The following SLC15A4 variants were observed in gnomAD, a reference collection of about 807,000 sequenced individuals.
The protein encoded by SLC15A4 is hPHT1.
A neutral mutation model predicts 46.1 loss-of-function variants in SLC15A4; 26 were observed. That is an observed-to-expected ratio of 0.56 (90% CI 0.41 to 0.78). The LOEUF (loss-of-function observed/expected upper bound fraction) is 0.78, where lower values mean the gene tolerates loss of function less well. Among genes scored for constraint, SLC15A4 ranks in the 30% least tolerant of loss-of-function variants. The pLI is 0.00. For synonymous variants in SLC15A4, 370 were observed against 333.4 expected (o/e 1.11, Z -1.20); for missense variants, 751 against 755.7 (o/e 0.99, Z 0.07).
intron 7 of SLC15A4, among the ~76,000 whole-genome samples, chr12:128,796,341 T>C (rs1955441713): frequency 6.9e-6 from 1 of 145,638 alleles, no homozygotes; most frequent in African/African-American, 2.6e-5. Context: ...CAGAGAATTG[T>C]CACTTGAACC....
At chr12:128,806,224 C>T (rs1955588117) in intron 5 of SLC15A4, among the ~76,000 whole-genome samples, 2 of 149,174 alleles carry the variant, frequency 1.3e-5, no homozygotes, top group Admixed American at 6.6e-5. Context: ...AAACTGTACA[C>T]AGAATATAAC....
intron 7 of SLC15A4, 101 bp from the exon 8 acceptor site, chr12:128,794,457 G>T: frequency 8.5e-7 from 1 of 1,171,816 alleles, no homozygotes; most frequent in Non-Finnish European, 1.2e-6. Flanking sequence ...TTTAACTGGA[G>T]TCATAAAAAA....
chr12:128,814,230 C>CCGCCGTATGATGGACCTGAG (rs1955709141), intron 2 of SLC15A4: 4 of 157,544 alleles, frequency 2.5e-5, no homozygotes, highest in East Asian at 2.0e-4. Flanking sequence ...ATGGACCTGA[C>CCGCCGTATGATGGACCTGAG]CGCCGTATGA....
intron 5 of SLC15A4, among the ~76,000 whole-genome samples, chr12:128,807,061 G>A (rs1340342743): frequency 1.3e-5 from 2 of 151,844 alleles, no homozygotes; most frequent in Non-Finnish European, 2.9e-5. Flanking sequence ...CGCCACCATG[G>A]CCAGCTAATT....
intron 5 of SLC15A4, among the ~76,000 whole-genome samples, chr12:128,806,585 T>C (rs1322075738): frequency 1.3e-5 from 2 of 152,208 alleles, no homozygotes; most frequent in African/African-American, 4.8e-5. Flanking sequence ...TGGGCAGGTG[T>C]TTTATTAAAT....
intron 1 of SLC15A4, among the ~76,000 whole-genome samples, chr12:128,822,323 T>G (rs1955855729): frequency 6.6e-6 from 1 of 152,154 alleles, no homozygotes; most frequent in Non-Finnish European, 1.5e-5. Context: ...AGCCCGTAAC[T>G]CCTTTAAAGC....
chr12:128,815,114 C>T, intron 1 of SLC15A4, 44 bp from the exon 2 acceptor site: 2 of 1,565,632 alleles, frequency 1.3e-6, no homozygotes, highest in South Asian at 1.1e-5. Context: ...ATATGACAGT[C>T]TTCAAGGATG....
rs1248714606 is a variant in SLC15A4, at chr12:128,808,901, G to GGGATGAGCAGGA, written c.1133_1144dup (p.Leu378_Ile381dup). On this transcript the variant is annotated inframe_insertion, in exon 5 of 8. Coordinates refer to ENST00000266771, the MANE Select transcript of SLC15A4 (RefSeq NM_145648.4). ...GGGATCGACCAGTTTGTCCTTCAGA[G>GGGATGAGCAGGA]GGATGAGCAGGAGGATGAGCACAGC... 1 of 1,614,214 alleles carries GGGATGAGCAGGA rather than the reference G, an allele frequency of 6.2e-7. No individual in the cohort carries two copies. The highest frequency in any genetic ancestry group is 1.3e-5 in the African/African-American group (1 of 75,062).
At chr12:128,801,734 T>C (rs900458964) in intron 5 of SLC15A4, 1 of 152,168 alleles carries the variant, frequency 6.6e-6, no homozygotes, top group Admixed American at 6.6e-5. Context: ...CAGGTCCAAG[T>C]CCTTAGGTTA....
chr12:128,809,812 T>A, intron 3 of SLC15A4, 131 bp downstream of exon 3: 1 of 911,860 alleles, frequency 1.1e-6, no homozygotes, highest in Non-Finnish European at 1.6e-6. Flanking sequence ...AAACCAAAAA[T>A]TCCAAGATTC....
intron 5 of SLC15A4, among the ~76,000 whole-genome samples, chr12:128,805,120 C>T (rs1229111451): frequency 6.6e-5 from 10 of 152,014 alleles, no homozygotes; most frequent in Non-Finnish European, 7.4e-5. Flanking sequence ...CAAAGGCAGC[C>T]GGGGGGAGAT....
intron 2 of SLC15A4, among the ~76,000 whole-genome samples, chr12:128,811,105 G>A (rs780462430): frequency 6.6e-6 from 1 of 152,142 alleles, no homozygotes; most frequent in Non-Finnish European, 1.5e-5. Flanking sequence ...AGACAGCTCC[G>A]CACTCTCTCC....
In SLC15A4 at chr12:128,799,417, C is replaced by A. The variant is rs2135705588; in HGVS notation, c.1415G>T (p.Gly472Val). ...GISEIFASIA[G>V]LEFAYSAAPK... ...GGCAGCTGAGTATGCAAATTCCAGG[C>A]CTGAGGAAAGAAAAGGGAGGGTCGT... Residue 472 changes from glycine (G) to valine (V), a missense_variant and splice_region_variant, in exon 7 of 8, where the codon GGC becomes GTC. By Grantham distance (109) the Gly-to-Val change is moderately radical (BLOSUM62 -3). Coordinates refer to ENST00000266771, the MANE Select transcript of SLC15A4 (RefSeq NM_145648.4). The A allele has an allele frequency of 6.2e-7, 1 of 1,613,876 alleles. No individual in the cohort carries two copies. The highest frequency in any genetic ancestry group is 2.2e-5 in the East Asian group (1 of 44,872).
chr12:128,801,935 T>C (rs1955522796), intron 5 of SLC15A4, among the ~76,000 whole-genome samples: 1 of 152,214 alleles, frequency 6.6e-6, no homozygotes, highest in Non-Finnish European at 1.5e-5. Flanking sequence ...AGGACCAGGA[T>C]ATGATCCATA....
chr12:128,806,178 A>AAAAAAG (rs10656237), intron 5 of SLC15A4, among the ~76,000 whole-genome samples: 2 of 151,032 alleles, frequency 1.3e-5, no homozygotes, highest in Non-Finnish European at 3.0e-5. Context: ...AAAAAAAAAA[A>AAAAAAG]AAAAGAAAAA....
chr12:128,814,950 C>T lies in SLC15A4; in HGVS notation c.667G>A (p.Val223Ile). The T allele has an allele frequency of 6.2e-7, 1 of 1,614,176 alleles. No homozygotes were observed. The highest frequency in any genetic ancestry group is 8.5e-7 in the Non-Finnish European group (1 of 1,180,042). The change falls in exon 2 of 8, where the codon GTC (valine) becomes ATC (isoleucine). Residue 223 changes from valine to isoleucine, a missense_variant. Transcript: ENST00000266771. ...IAYIQQNVSF[V>I]TGYAIPTVCV... ...ACAGTGGGGATCGCATAACCAGTGACAAAGCTGACGTTCTGCTGAATATAG... is the reference window on the plus strand; with the variant it reads ...ACAGTGGGGATCGCATAACCAGTGATAAAGCTGACGTTCTGCTGAATATAG...
chr12:128,818,542 G>GCTT (rs1955790129), intron 1 of SLC15A4, among the ~76,000 whole-genome samples: 1 of 152,210 alleles, frequency 6.6e-6, no homozygotes, highest in Non-Finnish European at 1.5e-5. Context: ...TGAAGCAGCC[G>GCTT]CACCTGGAGG....
chr12:128,795,572 G>A (rs7135987), intron 7 of SLC15A4, among the ~76,000 whole-genome samples: 80,393 of 152,048 alleles, frequency 0.53, 21,929 homozygotes, highest in Non-Finnish European at 0.61. Flanking sequence ...TGGACGCGGT[G>A]AGGGTGCTAG....
chr12:128,809,768 CAT>C, intron 3 of SLC15A4, 173 bp downstream of exon 3: 1 of 602,396 alleles, frequency 1.7e-6, no homozygotes, highest in Non-Finnish European at 2.8e-6. Flanking sequence ...AGGCTTTAGA[CAT>C]AGTTAAAGCA....
Sources: allele counts gnomAD v4.1 joint callset (sites outside exome capture counted in the v4.1 genomes callset), GRCh38; gene constraint gnomAD v4.1.1; transcripts MANE v1.5; gene names NCBI Gene and HGNC (gene_info 2026-07-23, HGNC 2026-07-21).